Variants in PDZD2 observed in about 807,000 individuals in gnomAD.
The protein encoded by PDZD2 is PDZ domain-containing protein 2.
PDZD2 carries 90 observed loss-of-function variants against 220.7 expected under a neutral mutation model. The observed-to-expected ratio is 0.41, with a 90% CI of 0.34 to 0.49. The LOEUF (loss-of-function observed/expected upper bound fraction) is 0.49, where lower values mean the gene tolerates loss of function less well. Among genes scored for constraint, PDZD2 ranks in the 20% least tolerant of loss-of-function variants. The pLI, the probability that PDZD2 is intolerant of heterozygous loss-of-function variation, is 0.28. For synonymous variants in PDZD2, 1,375 were observed against 1,450.5 expected, an observed-to-expected ratio of 0.95 and a Z score of 1.18; for missense variants, 3,174 against 3,608.5, an observed-to-expected ratio of 0.88 and a Z score of 3.08.
At chr5:31,696,843 G>A (rs1300647715) in intron 1 of PDZD2, among the ~76,000 whole-genome samples, 1 of 152,120 alleles carries the variant, frequency 6.6e-6, no homozygotes, top group Non-Finnish European at 1.5e-5. Flanking sequence ...CGCTGAATGA[G>A]CCTCCATCCT....
At chr5:31,994,609 C>T (rs1456460854) in intron 3 of PDZD2, among the ~76,000 whole-genome samples, 2 of 152,034 alleles carry the variant, frequency 1.3e-5, no homozygotes, top group Non-Finnish European at 2.9e-5. Context: ...CCTCAGCCTC[C>T]TGAGTAGCTG....
chr5:31,880,807 T>TCC (rs1739816872), intron 2 of PDZD2, among the ~76,000 whole-genome samples: 1 of 133,536 alleles, frequency 7.5e-6, no homozygotes, highest in African/African-American at 2.8e-5. Context: ...TTTTTTTTTT[T>TCC]TTTTTTTTTT....
At position 31,686,218 on chromosome 5, in the gene PDZD2, C is replaced by T. The variant is rs139754933; in HGVS notation, c.-361+46781C>T. Among the ~76,000 whole-genome samples the T allele has an allele frequency of 1.8e-3, 275 of 150,102 alleles. 1 individual carries two copies. The highest frequency in any genetic ancestry group is 6.3e-3 in the African/African-American group (257 of 40,804). On this transcript the variant is annotated intron_variant, in intron 1 of 24. Transcript: ENST00000438447. ...TAGCCTGGGCGACAGAGCGAGTCTC[C>T]GTCTCAAAAAAAAAAATAGCCATAA...
chr5:31,795,586 C>G (rs536825785), intron 1 of PDZD2, among the ~76,000 whole-genome samples: 1 of 152,322 alleles, frequency 6.6e-6, no homozygotes, highest in Non-Finnish European at 1.5e-5. Flanking sequence ...GGCCTTTGCA[C>G]AGACTAGCCA....
At chr5:31,970,108 T>C (rs1749163948) in intron 2 of PDZD2, among the ~76,000 whole-genome samples, 1 of 152,044 alleles carries the variant, frequency 6.6e-6, no homozygotes, top group Non-Finnish European at 1.5e-5. Flanking sequence ...ATGTTGAGGC[T>C]GGTCTCGAAC....
chr5:31,937,251 A>G (rs1745829266), intron 2 of PDZD2, among the ~76,000 whole-genome samples: 1 of 152,136 alleles, frequency 6.6e-6, no homozygotes, highest in Non-Finnish European at 1.5e-5. Context: ...GTTTTCCCTC[A>G]CTAATGAAGT....
intron 24 of PDZD2, among the ~76,000 whole-genome samples, chr5:32,104,636 C>T (rs1744565240): frequency 7.2e-6 from 1 of 138,334 alleles, no homozygotes; most frequent in Non-Finnish European, 1.5e-5. Context: ...AGGAGAGTCA[C>T]TTGAACCCAG....
In PDZD2 at chr5:31,799,285, C is replaced by A; in HGVS notation, c.37C>A (p.Pro13Thr). The change falls in exon 2 of 25, where the codon CCC becomes ACC. Residue 13 changes from proline (P) to threonine (T), a missense_variant. By Grantham distance (38) the Pro-to-Thr change is conservative. This residue lies in a region of PDZD2 where 632 missense variants were observed against 708.1 expected (regional missense o/e 0.89). Transcript: ENST00000438447. ...ITQDNAVLHLPLLYQWLQNSL... is the reference protein window; with the variant it reads ...ITQDNAVLHLTLLYQWLQNSL... ...CCAGGACAATGCCGTGCTGCACCTG[C>A]CCCTCCTCTACCAGTGGCTGCAGAA... is the stretch of plus-strand genomic sequence containing the variant. 6.2e-7 allele frequency: 1 copy of A among 1,612,214 alleles called. No individual in the cohort carries two copies. Among genetic ancestry groups the A allele is most frequent in the Non-Finnish European group, 8.5e-7 (1 of 1,178,940 alleles).
At chr5:31,816,096 G>C (rs977208620) in intron 2 of PDZD2, among the ~76,000 whole-genome samples, 1 of 151,976 alleles carries the variant, frequency 6.6e-6, no homozygotes, top group Admixed American at 6.6e-5. Context: ...AGACCATCCT[G>C]GCTAACACAG....
intron 13 of PDZD2, 76 bp from the exon 14 acceptor site, chr5:32,060,926 C>T: frequency 7.1e-7 from 1 of 1,402,726 alleles, no homozygotes; most frequent in East Asian, 2.3e-5. Flanking sequence ...TTATAAACCT[C>T]TCCTAGCAAG....
intron 1 of PDZD2, among the ~76,000 whole-genome samples, chr5:31,655,366 G>T (rs1482876546): frequency 6.6e-6 from 1 of 152,084 alleles, no homozygotes; most frequent in African/African-American, 2.4e-5. Context: ...TAGAGACGGG[G>T]TTTCACCATG....
chr5:31,794,765 A>C (rs965296458), intron 1 of PDZD2, among the ~76,000 whole-genome samples: 2 of 152,114 alleles, frequency 1.3e-5, no homozygotes, highest in African/African-American at 4.8e-5. Context: ...GGTACATAGC[A>C]GGTGTTTACA....
In PDZD2 at chr5:32,092,909, T is replaced by G. The variant is rs2111583774; in HGVS notation, c.7730T>G (p.Leu2577Trp). Residue 2577 changes from leucine to tryptophan, a missense_variant and splice_region_variant, in exon 21 of 25, where the codon TTG (leucine) becomes TGG (tryptophan). Leu to Trp is a moderately conservative substitution (Grantham distance 61). This residue lies in a region of PDZD2 where 631 missense variants were observed against 789.9 expected (regional missense o/e 0.80). Coordinates refer to ENST00000438447, the MANE Select transcript of PDZD2 (RefSeq NM_178140.4). ...LPFRRSWSVN[L>W]DQLLVSAGDQ... Reference sequence around the variant, plus strand: ...TCAAATATATTTATATTATTTAGTTTGGATCAACTTCTAGTCTCAGCGGGG... The same window carrying G: ...TCAAATATATTTATATTATTTAGTTGGGATCAACTTCTAGTCTCAGCGGGG... The G allele has an allele frequency of 6.7e-7, 1 of 1,493,636 alleles. No homozygotes were observed. The allele number at this position is 1,493,636 out of a possible 1,614,324, so 92.5% of individuals were successfully genotyped here.
At chr5:32,093,161 A>G in intron 21 of PDZD2, 137 bp downstream of exon 21, 1 of 610,436 alleles carries the variant, frequency 1.6e-6, no homozygotes, top group Non-Finnish European at 3.0e-6. Context: ...TGCGAGTTTC[A>G]CAGCTCAGTC....
At chr5:31,737,215 C>G (rs1206591345) in intron 1 of PDZD2, among the ~76,000 whole-genome samples, 1 of 139,260 alleles carries the variant, frequency 7.2e-6, no homozygotes, top group African/African-American at 2.7e-5. Flanking sequence ...CGCTGTCTCC[C>G]AGGCTGGAGT....
rs572821275 is a variant in PDZD2, at chr5:31,969,300, A to G, written c.477-13855A>G. Among the ~76,000 whole-genome samples the G allele has an allele frequency of 2.0e-5, 3 of 152,060 alleles. No homozygotes were observed. The South Asian group carries it at 6.2e-4, about 32-fold the overall frequency. On this transcript the variant is annotated intron_variant, in intron 2 of 24. Coordinates refer to ENST00000438447, the MANE Select transcript of PDZD2 (RefSeq NM_178140.4). ...GGTGGGCAGATCGCTTGAGCTCAGG[A>G]GTTCGAGACCAGCCTGGGCAACATG... is the stretch of plus-strand genomic sequence containing the variant.
At chr5:31,896,164 G>A (rs567592899) in intron 2 of PDZD2, among the ~76,000 whole-genome samples, 2 of 152,082 alleles carry the variant, frequency 1.3e-5, no homozygotes, top group East Asian at 1.9e-4. Context: ...GTATTGTGAC[G>A]GAAAGGTAAA....
chr5:31,960,429 C>T (rs1046790430), intron 2 of PDZD2, among the ~76,000 whole-genome samples: 1 of 152,130 alleles, frequency 6.6e-6, no homozygotes, highest in Non-Finnish European at 1.5e-5. Context: ...AGGCTGGTCT[C>T]GAACTCCTGA....
rs764267298 is a variant in PDZD2, at chr5:32,072,264, CGGGAAGT to C, written c.2675_2681del (p.Gly892AlafsTer29). The stretch of plus-strand genomic sequence containing the variant: ...GCCGGTTCTGAGGACGAGGATCACC[CGGGAAGT>C]GGCTGCAGCACGTCGGAGGAGGGCA... On this transcript the variant is annotated frameshift_variant, in exon 17 of 25. Coordinates refer to ENST00000438447, the MANE Select transcript of PDZD2 (RefSeq NM_178140.4). LOFTEE classifies it high-confidence loss of function. The C allele has an allele frequency of 6.2e-7, 1 of 1,614,076 alleles. No homozygotes were observed. Among genetic ancestry groups the C allele is most frequent in the Non-Finnish European group, 8.5e-7 (1 of 1,179,954 alleles).
Sources: gnomAD v4.1 joint callset for allele counts (sites outside exome capture counted in the v4.1 genomes callset) on GRCh38, gnomAD v4.1.1 for gene constraint, gnomAD v4.1.1 regional missense constraint, MANE v1.5 for transcripts, NCBI Gene and HGNC (gene_info 2026-07-23, HGNC 2026-07-21) for gene names.